KAT7: variants seen among roughly 807,000 people sequenced by gnomAD.
KAT7 encodes lysine acetyltransferase 7, also known as histone acetyltransferase KAT7.
KAT7 carries 10 observed loss-of-function variants against 82.1 expected under a neutral mutation model. That is an observed-to-expected ratio of 0.12 (90% CI 0.08 to 0.21). KAT7 has a LOEUF of 0.21. Ranked by LOEUF, KAT7 falls within the 10% of genes least tolerant of loss-of-function variation. KAT7 has a pLI of 1.00. For synonymous variants in KAT7, 250 were observed against 262.5 expected (o/e 0.95, Z 0.46); for missense variants, 378 against 760.9 (o/e 0.50, Z 5.92).
intron 14 of KAT7, 156 bp downstream of exon 14, chr17:49,826,955 G>C: frequency 1.8e-6 from 1 of 568,478 alleles, no homozygotes; most frequent in Non-Finnish European, 3.2e-6. Flanking sequence ...AGTGATGCCT[G>C]TGTTGCCTTA....
At chr17:49,827,201 C>T (rs2074378724) in intron 14 of KAT7, 200 bp from the exon 15 acceptor site, 3 of 550,146 alleles carry the variant, frequency 5.5e-6, no homozygotes, top group Non-Finnish European at 9.7e-6. Context: ...CGATGATTTT[C>T]ATTTCTCACT....
intron 6 of KAT7, 59 bp from the exon 7 acceptor site, chr17:49,811,417 C>G (rs1217036110): frequency 2.2e-6 from 2 of 921,400 alleles, no homozygotes; most frequent in Non-Finnish European, 1.6e-6. Context: ...TTGGCACTTT[C>G]ATTTTGAAGC....
chr17:49,823,832 TC>T (rs1366535647), intron 12 of KAT7, among the ~76,000 whole-genome samples: 6 of 152,176 alleles, frequency 3.9e-5, no homozygotes, highest in African/African-American at 1.4e-4. Flanking sequence ...ATGCACACAT[TC>T]CCAGCTGACT....
chr17:49,798,298 T>C, intron 3 of KAT7, 21 bp from the exon 4 acceptor site: 1 of 1,610,082 alleles, frequency 6.2e-7, no homozygotes, highest in East Asian at 2.2e-5. Flanking sequence ...TCATAACTTC[T>C]ACCAATTGCT....
intron 9 of KAT7, 25 bp from the exon 10 acceptor site, chr17:49,821,312 T>C: frequency 2.5e-6 from 4 of 1,580,004 alleles, no homozygotes; most frequent in Non-Finnish European, 3.5e-6. Context: ...TTTGGTTCCC[T>C]GATGTGAATT....
In KAT7 at chr17:49,795,584, CTT is replaced by C. The variant is rs1295641313; in HGVS notation, c.164-1165_164-1164del. The C allele has an allele frequency of 5.4e-5, 13 of 240,044 alleles. No individual in the cohort carries two copies. In the South Asian group the frequency reaches 6.3e-4, roughly 12 times the overall value. The allele number at this position is 240,044 out of a possible 1,614,324, so 14.9% of individuals were successfully genotyped here. On this transcript the variant is annotated intron_variant, in intron 2 of 14. Coordinates refer to ENST00000259021, the MANE Select transcript of KAT7 (RefSeq NM_007067.5). Reference sequence around the variant, plus strand: ...AACCAAGTGAATAAGTTTCAGATGGCTTATTCAAACCTACCGAGTGCTAACAT... The same window carrying C: ...AACCAAGTGAATAAGTTTCAGATGGCATTCAAACCTACCGAGTGCTAACAT...
intron 4 of KAT7, among the ~76,000 whole-genome samples, chr17:49,804,595 G>A (rs1432969710): frequency 2.0e-5 from 3 of 151,966 alleles, no homozygotes. Flanking sequence ...GGGCAACACT[G>A]AGACCCGTTT....
At chr17:49,790,527 C>A (rs1377601384) in intron 1 of KAT7, among the ~76,000 whole-genome samples, 1 of 152,150 alleles carries the variant, frequency 6.6e-6, no homozygotes, top group Non-Finnish European at 1.5e-5. Context: ...TCACCAAATG[C>A]AGGAATAATA....
chr17:49,817,016 A>G (rs912881738), intron 8 of KAT7, among the ~76,000 whole-genome samples: 1 of 152,092 alleles, frequency 6.6e-6, no homozygotes, highest in South Asian at 2.1e-4. Context: ...TTCTAGAATT[A>G]TCATGCACAT....
chr17:49,799,975 C>G (rs1467998421), intron 4 of KAT7, among the ~76,000 whole-genome samples: 1 of 144,272 alleles, frequency 6.9e-6, no homozygotes, highest in African/African-American at 2.6e-5. Context: ...CAGTGGTTTT[C>G]TGTAGTGTTT....
Position 49,829,265 on chromosome 17 carries a change from A to AGG in KAT7, c.*1765_*1766dup, listed in dbSNP as rs752337413. 3 of 152,246 alleles carry AGG rather than the reference A, an allele frequency of 2.0e-5. No individual in the cohort carries two copies. Among genetic ancestry groups the AGG allele is most frequent in the Non-Finnish European group, 4.4e-5 (3 of 68,044 alleles). 9.4% of individuals were successfully genotyped at this position (152,246 alleles called of 1,614,324 possible). The stretch of plus-strand genomic sequence containing the variant: ...TGATACAGGCTGTCTGTAAAGATCA[A>AGG]GGGAGTGCTCACTCTGAACTTCTCT... On this transcript the variant is annotated 3_prime_UTR_variant, in exon 15 of 15. Coordinates refer to ENST00000259021, the MANE Select transcript of KAT7 (RefSeq NM_007067.5).
intron 2 of KAT7, among the ~76,000 whole-genome samples, chr17:49,792,492 T>C (rs946503243): frequency 1.3e-5 from 2 of 152,090 alleles, no homozygotes; most frequent in Non-Finnish European, 2.9e-5. Context: ...GTGGAAACTT[T>C]TAGAATTTTG....
rs983916621 is a variant in KAT7, at chr17:49,829,374, C to A, written c.*1872C>A. On this transcript the variant is annotated 3_prime_UTR_variant, in exon 15 of 15. Coordinates refer to ENST00000259021, the MANE Select transcript of KAT7 (RefSeq NM_007067.5). The stretch of plus-strand genomic sequence containing the variant: ...CAATGATTAGTCAGTATTACCCATT[C>A]TTTCACTAAGTGCCATTTTCCACTG... 1 of 152,182 alleles carries A rather than the reference C, an allele frequency of 6.6e-6. No individual in the cohort carries two copies. Among genetic ancestry groups the A allele is most frequent in the Non-Finnish European group, 1.5e-5 (1 of 68,044 alleles). 9.4% of individuals were successfully genotyped at this position (152,182 alleles called of 1,614,324 possible).
chr17:49,818,825 G>A (rs924647968), intron 9 of KAT7, among the ~76,000 whole-genome samples: 5 of 151,382 alleles, frequency 3.3e-5, no homozygotes, highest in Non-Finnish European at 5.9e-5. Context: ...TGCAACCTCC[G>A]CCTCCCAGAT....
chr17:49,805,218 C>T (rs908730821), intron 4 of KAT7, 145 bp from the exon 5 acceptor site: 4 of 600,230 alleles, frequency 6.7e-6, no homozygotes, highest in African/African-American at 5.6e-5. Context: ...TATAGCCCTA[C>T]CAGCCTTATG....
chr17:49,832,454 C>CG lies in KAT7; in HGVS notation c.*4952_*4953insG, dbSNP rs2074432179. 6.6e-6 allele frequency: 1 copy of CG among 152,116 alleles called. No homozygotes were observed. The highest frequency in any genetic ancestry group is 1.5e-5 in the Non-Finnish European group (1 of 68,020). 9.4% of individuals were successfully genotyped at this position (152,116 alleles called of 1,614,324 possible). A position where few individuals can be genotyped will look rare whatever the true frequency, so the allele number is the denominator to read the frequency against. On this transcript the variant is annotated 3_prime_UTR_variant, in exon 15 of 15. Coordinates refer to ENST00000259021, the MANE Select transcript of KAT7 (RefSeq NM_007067.5). ...ACTTTTTTCTTCTGTCCTTGAGACT[C>CG]TAATTAAAGCACTGGATTTTTAAAA...
intron 8 of KAT7, among the ~76,000 whole-genome samples, chr17:49,817,414 C>T (rs1393745879): frequency 7.9e-5 from 12 of 152,144 alleles, no homozygotes; most frequent in Non-Finnish European, 1.6e-4. Context: ...GAAGCCAAAT[C>T]TGTCTGATTT....
intron 4 of KAT7, among the ~76,000 whole-genome samples, chr17:49,801,473 T>G (rs2074023767): frequency 6.6e-6 from 1 of 151,970 alleles, no homozygotes. Context: ...CTTTGAAAAA[T>G]ATGAACCCGA....
chr17:49,791,428 C>T (rs543870417), intron 1 of KAT7, among the ~76,000 whole-genome samples: 1 of 152,114 alleles, frequency 6.6e-6, no homozygotes, highest in Non-Finnish European at 1.5e-5. Flanking sequence ...GAGGCCAAGG[C>T]GGGTGGATCA....
Sources: allele counts gnomAD v4.1 joint callset (sites outside exome capture counted in the v4.1 genomes callset), GRCh38; gene constraint gnomAD v4.1.1; transcripts MANE v1.5; gene names NCBI Gene and HGNC (gene_info 2026-07-23, HGNC 2026-07-21).